NOX5: variants seen among roughly 807,000 people sequenced by gnomAD.
NOX5 encodes NADPH oxidase 5, also known as NADPH oxidase, EF-hand calcium binding domain 5.
NOX5 carries 76 observed loss-of-function variants against 85.7 expected under a neutral mutation model. That is an observed-to-expected ratio of 0.89 (90% CI 0.74 to 1.07). The LOEUF (loss-of-function observed/expected upper bound fraction) is 1.07. Among genes scored for constraint, NOX5 ranks in the 50% least tolerant of loss-of-function variants. The pLI is 0.00. For missense variants in NOX5, 973 were observed against 999.5 expected, an observed-to-expected ratio of 0.97 and a Z score of 0.36; for synonymous variants, 405 against 401.4, an observed-to-expected ratio of 1.01 and a Z score of -0.11.
intron 2 of NOX5, among the ~76,000 whole-genome samples, chr15:69,026,929 C>T (rs567443626): frequency 6.6e-6 from 1 of 152,318 alleles, no homozygotes; most frequent in Admixed American, 6.5e-5. Context: ...AGAGCTGATG[C>T]TCTGACTTAA....
At chr15:69,025,486 G>C (rs551715446) in intron 1 of NOX5, among the ~76,000 whole-genome samples, 2 of 152,330 alleles carry the variant, frequency 1.3e-5, no homozygotes, top group East Asian at 1.9e-4. Flanking sequence ...GCCTTGCTCA[G>C]CCTCAGTGGG....
In NOX5 at chr15:69,037,035, A is replaced by AT. The variant is rs1331879484; in HGVS notation, c.1198dup (p.Trp400LeufsTer73). The AT allele has an allele frequency of 6.3e-7, 1 of 1,588,078 alleles. No individual in the cohort carries two copies. The highest frequency in any genetic ancestry group is 1.4e-5 in the African/African-American group (1 of 73,740). On this transcript the variant is annotated frameshift_variant, in exon 8 of 16. Coordinates refer to ENST00000388866, the MANE Select transcript of NOX5 (RefSeq NM_024505.4). LOFTEE classifies it high-confidence loss of function. ...CCCCCCCTACCCCCATAGGTGTTCT[A>AT]TTGGACTCACCTGTCCTACCTCCTC...
At chr15:69,037,406 AT>A in intron 8 of NOX5, 196 bp downstream of exon 8, 1 of 584,918 alleles carries the variant, frequency 1.7e-6, no homozygotes, top group Non-Finnish European at 3.0e-6. Flanking sequence ...AGGAAGATGA[AT>A]GGCAGGGCAG....
intron 8 of NOX5, 77 bp downstream of exon 8, chr15:69,037,287 C>T: frequency 7.5e-7 from 1 of 1,327,496 alleles, no homozygotes; most frequent in South Asian, 1.4e-5. Context: ...CAGCTGGATA[C>T]CCTGTCAGAC....
intron 10 of NOX5, among the ~76,000 whole-genome samples, chr15:69,045,544 C>CTTTCTTTCTTTCT (rs1331854584): frequency 8.4e-6 from 1 of 119,078 alleles, no homozygotes; most frequent in Non-Finnish European, 1.7e-5. Context: ...TTTTTTCTTT[C>CTTTCTTTCTTTCT]TTTCTTTCTT....
At chr15:69,018,937 A>G (rs1050782555) in intron 1 of NOX5, among the ~76,000 whole-genome samples, 1 of 152,092 alleles carries the variant, frequency 6.6e-6, no homozygotes, top group East Asian at 1.9e-4. Flanking sequence ...ATTAAAGTTC[A>G]CTTTAGCTTC....
chr15:69,026,347 A>G (rs1383503150), intron 1 of NOX5, among the ~76,000 whole-genome samples, 181 bp from the exon 2 acceptor site: 1 of 152,134 alleles, frequency 6.6e-6, no homozygotes, highest in Non-Finnish European at 1.5e-5. Flanking sequence ...AGACTGAGGC[A>G]TAGGGAGGAG....
rs113163030 is a variant in NOX5 at position 69,033,676 on chromosome 15, GT to G, written c.855+410del. On this transcript the variant is annotated intron_variant, in intron 5 of 15. Transcript: ENST00000388866. ...CTCATGGATGAGGCCTCTAAGAGGTGTTTTTTTTTTTCTTTCTTTTTTTTCT... is the reference window on the plus strand; with the variant it reads ...CTCATGGATGAGGCCTCTAAGAGGTGTTTTTTTTTTCTTTCTTTTTTTTCT... Among the ~76,000 whole-genome samples the G allele has an allele frequency of 9.9e-3, 1,330 of 135,012 alleles. 9 individuals carry two copies. The highest frequency in any genetic ancestry group is 0.016 in the Middle Eastern group (4 of 258). 88.6% of individuals were successfully genotyped at this position (135,012 alleles called of 152,430 possible).
rs1422885746 is a variant in NOX5, at chr15:69,031,801, C to A, written c.609C>A (p.Asn203Lys). 2 of 1,597,440 alleles carry A rather than the reference C, an allele frequency of 1.3e-6. No individual in the cohort carries two copies. The highest frequency in any genetic ancestry group is 1.1e-5 in the South Asian group (1 of 90,406). The change falls in exon 4 of 16, where the codon AAC (asparagine) becomes AAA (lysine). Residue 203 changes from asparagine (N) to lysine (K), a missense_variant. Coordinates refer to ENST00000388866, the MANE Select transcript of NOX5 (RefSeq NM_024505.4). ...AGCGCTTCCCCGGAGTCATGGAGAA[C>A]CTGACCATCAGGTACGGCCGGGTCT... ...ELQRFPGVME[N>K]LTISAAHWLT... is the part of the protein sequence containing the mutation.
In NOX5 at chr15:69,031,505, C is replaced by G; in HGVS notation, c.326-13C>G. The G allele has an allele frequency of 6.3e-7, 1 of 1,593,140 alleles. No homozygotes were observed. The highest frequency in any genetic ancestry group is 8.6e-7 in the Non-Finnish European group (1 of 1,168,064). ...GAGGTGGGTAAACAGAAGAGGCCCACCACTTCTTGCAGTGTGTGCACGGCA... is the reference window on the plus strand; with the variant it reads ...GAGGTGGGTAAACAGAAGAGGCCCAGCACTTCTTGCAGTGTGTGCACGGCA... On this transcript the variant is annotated splice_polypyrimidine_tract_variant and intron_variant, in intron 3 of 15. Transcript: ENST00000388866.
At chr15:69,042,932 G>C (rs1005442470) in intron 10 of NOX5, 127 bp downstream of exon 10, 1 of 1,024,810 alleles carries the variant, frequency 9.8e-7, no homozygotes, top group South Asian at 1.7e-5. Context: ...AGCACAAGGG[G>C]GTTAGGCAAC....
chr15:69,059,872 G>C lies in NOX5; in HGVS notation c.*3176G>C, dbSNP rs1443791530. On this transcript the variant is annotated 3_prime_UTR_variant, in exon 16 of 16. Transcript: ENST00000388866. ...AGAGAAGAGAGAAGGAGCAAGGCCA[G>C]TTATCGGCACGTGTGCCCATCCTCC... is the stretch of plus-strand genomic sequence containing the variant. 3 of 151,956 alleles carry C rather than the reference G, an allele frequency of 2.0e-5. No individual in the cohort carries two copies. Among genetic ancestry groups the C allele is most frequent in the African/African-American group, 7.3e-5 (3 of 41,308 alleles). The allele number at this position is 151,956 out of a possible 1,614,324, so 9.4% of individuals were successfully genotyped here.
rs908426198 is a variant in NOX5, at chr15:69,057,632, G to A, written c.*936G>A. 2.0e-5 allele frequency: 3 copies of A among 152,150 alleles called. No homozygotes were observed. Among genetic ancestry groups the A allele is most frequent in the Admixed American group, 6.6e-5 (1 of 15,266 alleles). 9.4% of individuals were successfully genotyped at this position (152,150 alleles called of 1,614,324 possible). A position where few individuals can be genotyped will look rare whatever the true frequency, so the allele number is the denominator to read the frequency against. On this transcript the variant is annotated 3_prime_UTR_variant, in exon 16 of 16. Coordinates refer to ENST00000388866, the MANE Select transcript of NOX5 (RefSeq NM_024505.4). ...AAGGCCAAGTGCCTGGGGATGAAGC[G>A]GGCTAAGCCTGGAAGCTCAGCTCAG... is the stretch of plus-strand genomic sequence containing the variant.
intron 14 of NOX5, among the ~76,000 whole-genome samples, chr15:69,054,388 T>A (rs1449023416): frequency 1.3e-5 from 2 of 152,166 alleles, no homozygotes; most frequent in Non-Finnish European, 2.9e-5. Context: ...TCTCTTCAGC[T>A]CTCTGATGCC....
rs2140290247 is a variant in NOX5, at chr15:69,062,027, C to G, written c.*5331C>G. The G allele has an allele frequency of 6.6e-6, 1 of 152,202 alleles. No individual in the cohort carries two copies. Among genetic ancestry groups the G allele is most frequent in the South Asian group, 2.1e-4 (1 of 4,814 alleles). 9.4% of individuals were successfully genotyped at this position (152,202 alleles called of 1,614,324 possible). ...CCAGTGACTAGAATAGCGTCACCACCTAGTAGGTGCTTGGCGTGTTTCATG... is the reference window on the plus strand; with the variant it reads ...CCAGTGACTAGAATAGCGTCACCACGTAGTAGGTGCTTGGCGTGTTTCATG... On this transcript the variant is annotated 3_prime_UTR_variant, in exon 16 of 16. Coordinates refer to ENST00000388866, the MANE Select transcript of NOX5 (RefSeq NM_024505.4).
chr15:69,026,404 C>A (rs2050358445), intron 1 of NOX5, 124 bp from the exon 2 acceptor site: 1 of 1,186,110 alleles, frequency 8.4e-7, no homozygotes, highest in Non-Finnish European at 1.2e-6. Flanking sequence ...AACTGATTGA[C>A]CCGATTCAAC....
At chr15:69,037,510 T>G in intron 8 of NOX5, 1 of 358,842 alleles carries the variant, frequency 2.8e-6, no homozygotes, top group Non-Finnish European at 5.2e-6. Flanking sequence ...GGCCCTGAAC[T>G]AGGTTACAGA....
Position 69,052,916 on chromosome 15 carries a change from A to G in NOX5, c.2000-2418A>G, listed in dbSNP as rs182606647. Among the ~76,000 whole-genome samples, 512 of 152,380 alleles carry G rather than the reference A, an allele frequency of 3.4e-3. 2 individuals carry two copies. The highest frequency in any genetic ancestry group is 0.012 in the African/African-American group (489 of 41,596). ...TAAAGGAAAAGTTTAAATTTAATTT[A>G]AATTTTCTAGTTACTGGCACATAAA... On this transcript the variant is annotated intron_variant, in intron 14 of 15. Coordinates refer to ENST00000388866, the MANE Select transcript of NOX5 (RefSeq NM_024505.4).
rs1289298393 is a variant in NOX5 at position 69,035,796 on chromosome 15, T to C, written c.1048T>C (p.Trp350Arg). Residue 350 changes from tryptophan (W) to arginine (R), a missense_variant, in exon 7 of 16, where the codon TGG becomes CGG. Coordinates refer to ENST00000388866, the MANE Select transcript of NOX5 (RefSeq NM_024505.4). ...AQAEASPFQFWELLLTTRPGI... is the reference protein window; with the variant it reads ...AQAEASPFQFRELLLTTRPGI... Reference sequence around the variant, plus strand: ...GGCGGAGGCCAGCCCTTTCCAGTTCTGGGAGCTGCTGCTCACCACGAGGCC... The same window carrying C: ...GGCGGAGGCCAGCCCTTTCCAGTTCCGGGAGCTGCTGCTCACCACGAGGCC... 1 of 1,614,206 alleles carries C rather than the reference T, an allele frequency of 6.2e-7. No homozygotes were observed. The highest frequency in any genetic ancestry group is 8.5e-7 in the Non-Finnish European group (1 of 1,180,032).
Sources: allele counts gnomAD v4.1 joint callset (sites outside exome capture counted in the v4.1 genomes callset), GRCh38; gene constraint gnomAD v4.1.1; transcripts MANE v1.5; gene names NCBI Gene and HGNC (gene_info 2026-07-23, HGNC 2026-07-21).